The following CPXM1 variants were observed in gnomAD, a reference collection of about 807,000 sequenced individuals.
CPXM1 encodes the protein probable carboxypeptidase X1.
In CPXM1, 72 loss-of-function variants were observed where a neutral mutation model predicts 80.4. The ratio of observed to expected loss-of-function variants is 0.90; its 90% CI spans 0.74 to 1.09. The LOEUF (loss-of-function observed/expected upper bound fraction) is 1.09, where lower values mean the gene tolerates loss of function less well. Ranked by LOEUF, CPXM1 falls within the 50% of genes least tolerant of loss-of-function variation. The pLI, the probability that CPXM1 is intolerant of heterozygous loss-of-function variation, is 0.00. For missense variants in CPXM1, 892 were observed against 999.4 expected, an observed-to-expected ratio of 0.89 and a Z score of 1.45; for synonymous variants, 403 against 405.6, an observed-to-expected ratio of 0.99 and a Z score of 0.08.
chr20:2,794,272 A>G lies in CPXM1; in HGVS notation c.2123T>C (p.Leu708Pro), dbSNP rs1399524279. The change falls in exon 14 of 14, where the codon CTG becomes CCG. Residue 708 changes from leucine to proline, a missense_variant. Leu to Pro is a moderately conservative substitution (Grantham distance 98). This residue lies in a region of CPXM1 where 874 missense variants were observed against 958.4 expected (regional missense o/e 0.91). Transcript: ENST00000380605. This position sits in a 1 kb window ranked among gnomAD's most constrained non-coding sequence, Gnocchi z 5.2. ...GGCCCCAGCTGCCAGCAGCTCGCGC[A>G]GCCTCTGTTTGGGAGTCTTGGTGAG... ...FVLTKTPKQR[L>P]RELLAAGAKV... 3.1e-6 allele frequency: 5 copies of G among 1,614,078 alleles called. No individual in the cohort carries two copies. The highest frequency in any genetic ancestry group is 3.4e-6 in the Non-Finnish European group (4 of 1,180,026).
Position 2,798,487 on chromosome 20 carries a change from C to G in CPXM1, c.391G>C (p.Glu131Gln). The change falls in exon 3 of 14, where the codon GAG becomes CAG. Residue 131 changes from glutamate to glutamine, a missense_variant. Physicochemically the swap from Glu to Gln is conservative, Grantham distance 29. Coordinates refer to ENST00000380605, the MANE Select transcript of CPXM1 (RefSeq NM_019609.5). ...CCAAAGGACTGGCTGCTGGATGCCT[C>G]AAGCCGGCTATCTGAAACTCGCAGG... ...ESLRVSDSRL[E>Q]ASSSQSFGLG... 6.2e-7 allele frequency: 1 copy of G among 1,614,184 alleles called. No homozygotes were observed. Among genetic ancestry groups the G allele is most frequent in the Non-Finnish European group, 8.5e-7 (1 of 1,180,020 alleles).
Position 2,797,164 on chromosome 20 carries a change from C to A in CPXM1, c.832+28G>T, listed in dbSNP as rs767207618. On this transcript the variant is annotated intron_variant, in intron 6 of 13. Coordinates refer to ENST00000380605, the MANE Select transcript of CPXM1 (RefSeq NM_019609.5). ...GGATGCACCCTGCATCCAAGCCCTG[C>A]CCAACCAACCCTGGCCTGACTGCCC... is the stretch of plus-strand genomic sequence containing the variant. The A allele has an allele frequency of 4.4e-6, 7 of 1,608,692 alleles. No homozygotes were observed. The African/African-American group carries it at 8.0e-5, about 18-fold the overall frequency.
chr20:2,796,112 A>T lies in CPXM1; in HGVS notation c.1292T>A (p.Ile431Asn). The T allele has an allele frequency of 6.2e-7, 1 of 1,613,818 alleles. No individual in the cohort carries two copies. The highest frequency in any genetic ancestry group is 8.5e-7 in the Non-Finnish European group (1 of 1,179,858). Residue 431 changes from isoleucine (I) to asparagine (N), a missense_variant, in exon 10 of 14, where the codon ATC (isoleucine) becomes AAC (asparagine). By Grantham distance (149) the Ile-to-Asn change is moderately radical. Transcript: ENST00000380605. This position sits in a 1 kb window ranked among gnomAD's most constrained non-coding sequence, Gnocchi z 6.8. ...WAEGRWNNQS[I>N]DLNHNFADLN... is the part of the protein sequence containing the mutation. ...GTCAGCAAAATTATGGTTAAGATCG[A>T]TGCTCTGGTTGTTCCAGCGGCCCTC...
chr20:2,797,916 C>G, intron 5 of CPXM1, 52 bp downstream of exon 5: 1 of 1,527,344 alleles, frequency 6.5e-7, no homozygotes, highest in Non-Finnish European at 9.1e-7. Context: ...CTAGCCTGGA[C>G]TGGGTGCCCA....
Position 2,796,468 on chromosome 20 carries a change from CG to C in CPXM1, c.1046-26del. On this transcript the variant is annotated intron_variant, in intron 8 of 13. Coordinates refer to ENST00000380605, the MANE Select transcript of CPXM1 (RefSeq NM_019609.5). This position sits in a 1 kb window ranked among gnomAD's most constrained non-coding sequence, Gnocchi z 6.8. ...CCTGGGGACACATGGGGGCTTGCAG[CG>C]GGTTCATGCCTGGGGCCCTGCCCTG... is the stretch of plus-strand genomic sequence containing the variant. 2 of 1,613,176 alleles carry C rather than the reference CG, an allele frequency of 1.2e-6. No individual in the cohort carries two copies. The highest frequency in any genetic ancestry group is 1.7e-6 in the Non-Finnish European group (2 of 1,179,446).
chr20:2,800,329 G>T, intron 1 of CPXM1, 72 bp downstream of exon 1: 1 of 1,331,374 alleles, frequency 7.5e-7, no homozygotes. Flanking sequence ...TGTTAGGGAG[G>T]GATCGCCCCA....
At chr20:2,800,304 G>T in intron 1 of CPXM1, 97 bp downstream of exon 1, 1 of 1,124,332 alleles carries the variant, frequency 8.9e-7, no homozygotes, top group Non-Finnish European at 1.2e-6. Context: ...GTGCGTGGGT[G>T]TGCGTGTGCC....
chr20:2,797,697 G>A (rs889485043), intron 5 of CPXM1, among the ~76,000 whole-genome samples: 2 of 152,174 alleles, frequency 1.3e-5, no homozygotes, highest in Admixed American at 6.5e-5. Context: ...TGGACCAGAG[G>A]CCCCGGGCCA....
At chr20:2,797,445 T>C (rs2088522505) in intron 5 of CPXM1, 103 bp from the exon 6 acceptor site, 6 of 1,254,436 alleles carry the variant, frequency 4.8e-6, no homozygotes, top group African/African-American at 1.5e-5. Context: ...CTCCCCACCC[T>C]AGTGGGCTCA....
Position 2,795,226 on chromosome 20 carries a change from T to C in CPXM1, c.1860+51A>G, listed in dbSNP as rs41306788. On this transcript the variant is annotated intron_variant, in intron 12 of 13. Coordinates refer to ENST00000380605, the MANE Select transcript of CPXM1 (RefSeq NM_019609.5). This position sits in a 1 kb window ranked among gnomAD's most constrained non-coding sequence, Gnocchi z 5.4. ...CCCCTGGTAGGAGCTGTAGCCTAAATGGACAGCAGGAGTGATTCAGGCAGG... is the reference window on the plus strand; with the variant it reads ...CCCCTGGTAGGAGCTGTAGCCTAAACGGACAGCAGGAGTGATTCAGGCAGG... 146,096 of 1,591,462 alleles carry C rather than the reference T, an allele frequency of 0.092. 7,477 individuals are homozygous for C. Among genetic ancestry groups the C allele is most frequent in the Admixed American group, 0.14 (8,468 of 58,986 alleles).
chr20:2,799,166 A>G (rs978646977), intron 1 of CPXM1, among the ~76,000 whole-genome samples: 2 of 152,146 alleles, frequency 1.3e-5, no homozygotes, highest in African/African-American at 4.8e-5. Flanking sequence ...CCCAGCCTCT[A>G]GAAACTGTTC....
At chr20:2,797,169 C>T (rs750246583) in intron 6 of CPXM1, 23 bp downstream of exon 6, 6 of 1,605,590 alleles carry the variant, frequency 3.7e-6, no homozygotes, top group Non-Finnish European at 4.3e-6. Context: ...CCCTGCCCAA[C>T]CAACCCTGGC....
chr20:2,796,322 G>A lies in CPXM1; in HGVS notation c.1167C>T (p.Thr389=), dbSNP rs774323703. The A allele has an allele frequency of 6.2e-6, 10 of 1,613,940 alleles. No individual in the cohort carries two copies. The highest frequency in any genetic ancestry group is 8.5e-6 in the Non-Finnish European group (10 of 1,179,992). Residue 389 remains threonine (T), a synonymous_variant, in exon 9 of 14, where the codon ACC becomes ACT. Transcript: ENST00000380605. This position sits in a 1 kb window ranked among gnomAD's most constrained non-coding sequence, Gnocchi z 6.8. ...GAATGCGCATCTCAGAGAGCAGCCG[G>A]GTCACCCGTGGGTTCCCTCGCAGGA... ...HEFLRGNPRV[T]RLLSEMRIHL... is the part of the protein sequence containing the mutation.
chr20:2,800,182 TGC>T (rs1410610869), intron 1 of CPXM1, among the ~76,000 whole-genome samples: 1 of 150,818 alleles, frequency 6.6e-6, no homozygotes, highest in African/African-American at 2.4e-5. Flanking sequence ...TGCGTGTGAA[TGC>T]GCGCGCGTGT....
rs747803655 is a variant in CPXM1 at position 2,795,699 on chromosome 20, A to G, written c.1620T>C (p.Asn540=). 6.2e-7 allele frequency: 1 copy of G among 1,613,990 alleles called. No individual in the cohort carries two copies. Among genetic ancestry groups the G allele is most frequent in the Non-Finnish European group, 8.5e-7 (1 of 1,180,016 alleles). The change falls in exon 11 of 14, where the codon AAT becomes AAC. Residue 540 remains asparagine (N), a synonymous_variant. Coordinates refer to ENST00000380605, the MANE Select transcript of CPXM1 (RefSeq NM_019609.5). This position sits in a 1 kb window ranked among gnomAD's most constrained non-coding sequence, Gnocchi z 5.4. ...RWLSTVYAGS[N]LAMQDTSRRP... ...GGCGGCTGGTGTCCTGCATGGCCAG[A>G]TTACTGCCAGCATAGACAGTGCTGA...
rs192056307 is a variant in CPXM1, at chr20:2,799,751, G to A, written c.172+650C>T. On this transcript the variant is annotated intron_variant, in intron 1 of 13. Transcript: ENST00000380605. The stretch of plus-strand genomic sequence containing the variant: ...TCCACATCTGGAAAGCTGGGAGGTC[G>A]GGCTGCCTTCCTCTCCCGCTCTGCC... Among the ~76,000 whole-genome samples the A allele has an allele frequency of 8.9e-4, 135 of 152,258 alleles. 2 individuals carry two copies. Among genetic ancestry groups the A allele is most frequent in the Non-Finnish European group, 2.4e-4 (16 of 68,002 alleles).
rs747515739 is a variant in CPXM1 at position 2,796,385 on chromosome 20, C to A, written c.1104G>T (p.Glu368Asp). The A allele has an allele frequency of 1.2e-6, 2 of 1,614,142 alleles. No individual in the cohort carries two copies. The highest frequency in any genetic ancestry group is 1.7e-6 in the Non-Finnish European group (2 of 1,180,014). Reference protein sequence around the residue: ...GMHGNEALGRELLLLLMQFLC... With the variant: ...GMHGNEALGRDLLLLLMQFLC... ...GGAACTGCATCAGGAGCAGAAGCAA[C>A]TCCCGCCCCAGGGCCTCGTTCCCAT... The change falls in exon 9 of 14, where the codon GAG (glutamate) becomes GAT (aspartate). Residue 368 changes from glutamate to aspartate, a missense_variant. Physicochemically the swap from Glu to Asp is conservative, Grantham distance 45 (BLOSUM62 2). Transcript: ENST00000380605. This position sits in a 1 kb window ranked among gnomAD's most constrained non-coding sequence, Gnocchi z 6.8.
At chr20:2,797,909 G>A (rs1371631775) in intron 5 of CPXM1, 59 bp downstream of exon 5, 15 of 1,480,578 alleles carry the variant, frequency 1.0e-5, no homozygotes, top group Non-Finnish European at 1.2e-5. Context: ...CCTCAGCCTA[G>A]CCTGGACTGG....
intron 1 of CPXM1, among the ~76,000 whole-genome samples, chr20:2,799,888 G>A (rs549316210): frequency 2.0e-5 from 3 of 152,316 alleles, no homozygotes; most frequent in East Asian, 3.9e-4. Flanking sequence ...CACCTTGAGA[G>A]CTTCTGCCCC....
Sources: allele counts gnomAD v4.1 joint callset (sites outside exome capture counted in the v4.1 genomes callset), GRCh38; gene constraint gnomAD v4.1.1; regional missense constraint gnomAD v4.1.1; non-coding constraint Gnocchi (gnomAD v3.1); transcripts MANE v1.5; gene names NCBI Gene and HGNC (gene_info 2026-07-23, HGNC 2026-07-21).